Variants in ZFYVE9 observed in about 807,000 individuals in gnomAD.
ZFYVE9 encodes zinc finger FYVE-type containing 9, also known as zinc finger FYVE domain-containing protein 9.
Under a neutral mutation model 126.7 loss-of-function variants are expected in ZFYVE9, and 43 were observed. The observed-to-expected ratio is 0.34, with a 90% CI of 0.27 to 0.44. The LOEUF (loss-of-function observed/expected upper bound fraction) is 0.44. ZFYVE9 is among the 20% of genes least tolerant of loss of function. ZFYVE9 has a pLI of 1.00. For synonymous variants in ZFYVE9, 521 were observed against 597.4 expected (o/e 0.87, Z 1.87); for missense variants, 1,476 against 1,697.0 (o/e 0.87, Z 2.29).
rs563161062 is a variant in ZFYVE9 at position 52,335,091 on chromosome 1, A to G, written c.3670+323A>G. On this transcript the variant is annotated intron_variant, in intron 15 of 18. Coordinates refer to ENST00000287727, the MANE Select transcript of ZFYVE9 (RefSeq NM_004799.4). ...ATGTGTAGATGAAAGTCCTGTCCAC[A>G]AGAATGCTGTGGTCATCATTTGGAG... The G allele has an allele frequency of 5.4e-5, 10 of 184,616 alleles. No homozygotes were observed. The Admixed American group carries it at 5.8e-4, about 11-fold the overall frequency. The allele number at this position is 184,616 out of a possible 1,614,324, so 11.4% of individuals were successfully genotyped here.
chr1:52,317,912 T>C (rs1646200630), intron 13 of ZFYVE9, among the ~76,000 whole-genome samples: 1 of 152,222 alleles, frequency 6.6e-6, no homozygotes, highest in Admixed American at 6.5e-5. Flanking sequence ...GAATTGACTT[T>C]ATTGTTTAAA....
chr1:52,302,525 C>T (rs943097438), intron 12 of ZFYVE9, among the ~76,000 whole-genome samples: 5 of 152,052 alleles, frequency 3.3e-5, no homozygotes, highest in Non-Finnish European at 7.4e-5. Context: ...CCAAGGTGGG[C>T]GGATCAGCTG....
chr1:52,237,047 A>C (rs183634891), intron 3 of ZFYVE9, among the ~76,000 whole-genome samples: 1 of 152,178 alleles, frequency 6.6e-6, no homozygotes, highest in African/African-American at 2.4e-5. Flanking sequence ...TCAAACCCAC[A>C]TCCTAATTAT....
intron 1 of ZFYVE9, among the ~76,000 whole-genome samples, chr1:52,175,731 C>G (rs1644620125): frequency 2.6e-5 from 4 of 152,102 alleles, no homozygotes; most frequent in Admixed American, 2.6e-4. Flanking sequence ...TCTAAACTTC[C>G]CTTCTTGCTT....
At chr1:52,234,019 A>G (rs1474653438) in intron 3 of ZFYVE9, among the ~76,000 whole-genome samples, 2 of 152,080 alleles carry the variant, frequency 1.3e-5, no homozygotes, top group Non-Finnish European at 2.9e-5. Flanking sequence ...GGTGTCAAGC[A>G]GTCCTCCCTC....
chr1:52,232,183 T>C (rs766143746), intron 2 of ZFYVE9, among the ~76,000 whole-genome samples: 5 of 152,160 alleles, frequency 3.3e-5, no homozygotes, highest in Non-Finnish European at 2.9e-5. Flanking sequence ...CCTGCCTGTA[T>C]TATATCAATA....
chr1:52,162,465 T>C, intron 1 of ZFYVE9: 1 of 252,756 alleles, frequency 4.0e-6, no homozygotes, highest in Non-Finnish European at 8.2e-6. Context: ...ATTTCTTCTA[T>C]CATCCAGCTC....
At chr1:52,182,791 CTT>C (rs1217570202) in intron 1 of ZFYVE9, among the ~76,000 whole-genome samples, 1 of 151,376 alleles carries the variant, frequency 6.6e-6, no homozygotes, top group East Asian at 1.9e-4. Context: ...TTTTGGAACT[CTT>C]TTTTAAATTA....
At chr1:52,307,943 G>T (rs1646101137) in intron 13 of ZFYVE9, among the ~76,000 whole-genome samples, 1 of 151,668 alleles carries the variant, frequency 6.6e-6, no homozygotes, top group Non-Finnish European at 1.5e-5. Flanking sequence ...TAGTAGATAC[G>T]GGGTTTCACC....
intron 1 of ZFYVE9, among the ~76,000 whole-genome samples, chr1:52,143,576 A>T (rs1461927670): frequency 6.6e-6 from 1 of 152,234 alleles, no homozygotes; most frequent in Non-Finnish European, 1.5e-5. Context: ...AATCTCACAG[A>T]TTGTAAACAG....
intron 12 of ZFYVE9, among the ~76,000 whole-genome samples, chr1:52,301,171 C>T (rs543942531): frequency 6.6e-6 from 1 of 151,332 alleles, no homozygotes; most frequent in South Asian, 2.1e-4. Flanking sequence ...GAGTTTTCTT[C>T]TTTGAGTGTT....
chr1:52,180,583 C>A, intron 1 of ZFYVE9: 3 of 607,972 alleles, frequency 4.9e-6, no homozygotes, highest in South Asian at 2.0e-5. Flanking sequence ...TTTCTTGTGA[C>A]AAATTGTCTG....
chr1:52,287,634 G>A (rs79136995), intron 10 of ZFYVE9, among the ~76,000 whole-genome samples: 10,862 of 151,226 alleles, frequency 0.072, 502 homozygotes, highest in African/African-American at 0.12. Context: ...TGAGGCAGGA[G>A]GATTGCTTGA....
intron 1 of ZFYVE9, chr1:52,162,935 A>G (rs1201795109): frequency 1.6e-5 from 8 of 503,282 alleles, no homozygotes; most frequent in Admixed American, 4.6e-5. Flanking sequence ...CATCTCTCCA[A>G]TTTTACACAA....
intron 4 of ZFYVE9, among the ~76,000 whole-genome samples, chr1:52,244,800 G>A (rs1645367832): frequency 2.0e-5 from 3 of 152,112 alleles, no homozygotes; most frequent in Non-Finnish European, 4.4e-5. Context: ...GAGTTCTGTA[G>A]GACCCGTCTG....
intron 4 of ZFYVE9, among the ~76,000 whole-genome samples, chr1:52,244,031 T>C (rs1225724181): frequency 6.6e-6 from 1 of 152,182 alleles, no homozygotes; most frequent in African/African-American, 2.4e-5. Flanking sequence ...TTATCACCTA[T>C]ATAAAATACT....
At chr1:52,240,639 G>A (rs1371247167) in intron 4 of ZFYVE9, among the ~76,000 whole-genome samples, 1 of 152,134 alleles carries the variant, frequency 6.6e-6, no homozygotes, top group Admixed American at 6.6e-5. Flanking sequence ...AGACAGGATC[G>A]TGGAAGTTCT....
rs188707926 is a variant in ZFYVE9, at chr1:52,254,977, A to G, written c.2179-8796A>G. ...TATGGTAGGGCATGTCTGTAGTCCC[A>G]GCTACTTGGGAGGCTGAGTTGGGAG... is the stretch of plus-strand genomic sequence containing the variant. On this transcript the variant is annotated intron_variant, in intron 4 of 18. Transcript: ENST00000287727. Among the ~76,000 whole-genome samples, 25 of 152,128 alleles carry G rather than the reference A, an allele frequency of 1.6e-4. No individual in the cohort carries two copies. The East Asian group carries it at 4.5e-3, about 27-fold the overall frequency.
intron 13 of ZFYVE9, 95 bp downstream of exon 13, chr1:52,304,020 T>A: frequency 1.4e-6 from 1 of 737,294 alleles, no homozygotes; most frequent in Non-Finnish European, 2.0e-6. Flanking sequence ...TATAATTAAT[T>A]AACAATGAAA....
Sources: gnomAD v4.1 joint callset for allele counts (sites outside exome capture counted in the v4.1 genomes callset) on GRCh38, gnomAD v4.1.1 for gene constraint, MANE v1.5 for transcripts, NCBI Gene and HGNC (gene_info 2026-07-23, HGNC 2026-07-21) for gene names.